SV2C: variants seen among roughly 807,000 people sequenced by gnomAD.
SV2C encodes solute carrier family 22 member B3.
Under a neutral mutation model 79.7 loss-of-function variants are expected in SV2C, and 49 were observed. That is an observed-to-expected ratio of 0.61 (90% confidence interval 0.49 to 0.78). The LOEUF is 0.78. SV2C is among the 30% of genes least tolerant of loss of function. The pLI is 0.00. For synonymous variants in SV2C, 334 were observed against 333.2 expected (o/e 1.00, Z -0.03); for missense variants, 833 against 912.9 (o/e 0.91, Z 1.13).
upstream of SV2C, chr5:76,079,633 A>G: frequency 2.9e-6 from 1 of 346,612 alleles, no homozygotes; most frequent in South Asian, 3.2e-5. Flanking sequence ...TCAATCTGAC[A>G]GAAGCCCTGC....
upstream of SV2C, among the ~76,000 whole-genome samples, chr5:76,080,248 A>G (rs1156605083): frequency 1.3e-5 from 2 of 152,198 alleles, no homozygotes; most frequent in Non-Finnish European, 2.9e-5. Context: ...AAATTACAAA[A>G]GAGACAAAAA....
chr5:76,308,370 A>G (rs553672528), intron 12 of SV2C, among the ~76,000 whole-genome samples: 1 of 152,278 alleles, frequency 6.6e-6, no homozygotes, highest in East Asian at 1.9e-4. Context: ...AGCAGGGATG[A>G]AAGTCCCAGC....
chr5:75,967,442 C>T, the SV2C span, among the ~76,000 whole-genome samples: 504 of 152,260 alleles, frequency 3.3e-3, 1 homozygote, highest in African/African-American at 0.011. Flanking sequence ...GGGTGATGGA[C>T]GGCACCTGGA....
the SV2C span, among the ~76,000 whole-genome samples, chr5:76,019,373 C>G: frequency 6.6e-6 from 1 of 152,066 alleles, no homozygotes; most frequent in Non-Finnish European, 1.5e-5. Context: ...GAAATGGAGA[C>G]ACTAAATGTA....
At chr5:76,233,624 A>G (rs1223798693) in intron 4 of SV2C, among the ~76,000 whole-genome samples, 1 of 150,228 alleles carries the variant, frequency 6.7e-6, no homozygotes, top group Non-Finnish European at 1.5e-5. Context: ...ATCAATACCT[A>G]ATTTATTGAG....
chr5:76,030,977 A>G, the SV2C span, among the ~76,000 whole-genome samples: 2 of 152,214 alleles, frequency 1.3e-5, no homozygotes, highest in African/African-American at 4.8e-5. Context: ...CTCGAAATCA[A>G]CTAAACAATA....
chr5:75,862,068 A>C, the SV2C span, among the ~76,000 whole-genome samples: 1 of 152,218 alleles, frequency 6.6e-6, no homozygotes, highest in African/African-American at 2.4e-5. Flanking sequence ...GTTACATCAT[A>C]AATAAGTTCC....
intron 3 of SV2C, among the ~76,000 whole-genome samples, chr5:76,204,655 A>G (rs1241642059): frequency 6.6e-6 from 1 of 152,228 alleles, no homozygotes; most frequent in Non-Finnish European, 1.5e-5. Context: ...AGAATCATCA[A>G]ACATTCCATA....
Position 76,342,583 on chromosome 5 carries a change from G to T in SV2C, c.2001-10547G>T, listed in dbSNP as rs572815002. ...CAGGCCCCACAGGGCACACTCTGGA[G>T]CTGGTAAAGGTGGAGCAGCACTGCC... is the stretch of plus-strand genomic sequence containing the variant. On this transcript the variant is annotated intron_variant, in intron 12 of 12. Coordinates refer to the SV2C transcript ENST00000322285. 4.6e-5 allele frequency among the ~76,000 whole-genome samples: 7 copies of T among 152,322 alleles called. No homozygotes were observed. In the South Asian group the frequency reaches 1.5e-3, roughly 32 times the overall value.
chr5:75,892,607 C>T, the SV2C span, among the ~76,000 whole-genome samples: 2 of 151,986 alleles, frequency 1.3e-5, no homozygotes, highest in Non-Finnish European at 2.9e-5. Flanking sequence ...TCTGTAGTCC[C>T]CAGTGTCTCT....
the SV2C span, among the ~76,000 whole-genome samples, chr5:75,929,981 A>T: frequency 2.5e-4 from 38 of 152,336 alleles, 1 homozygote; most frequent in Non-Finnish European, 4.1e-4. Context: ...ATAAATGTTT[A>T]TGGAAATGTC....
At chr5:76,042,999 C>T in the SV2C span, among the ~76,000 whole-genome samples, 7 of 152,316 alleles carry the variant, frequency 4.6e-5, no homozygotes, top group Non-Finnish European at 1.0e-4. Flanking sequence ...ATGTGTCTTC[C>T]AAGATTTCTG....
At chr5:76,219,260 C>T (rs1224008947) in intron 4 of SV2C, among the ~76,000 whole-genome samples, 1 of 152,096 alleles carries the variant, frequency 6.6e-6, no homozygotes, top group Non-Finnish European at 1.5e-5. Flanking sequence ...TTGACTTATA[C>T]CAGTATTATT....
chr5:75,868,214 T>C, the SV2C span, among the ~76,000 whole-genome samples: 1 of 152,256 alleles, frequency 6.6e-6, no homozygotes, highest in East Asian at 1.9e-4. Flanking sequence ...AGTATTTTGG[T>C]ATATTTGAAA....
the SV2C span, among the ~76,000 whole-genome samples, chr5:76,004,376 T>C: frequency 1.3e-5 from 2 of 152,104 alleles, no homozygotes; most frequent in Non-Finnish European, 2.9e-5. Context: ...TCTCTAAGAG[T>C]TTTTTTCTTT....
At chr5:76,268,986 C>T (rs1580005381) in intron 4 of SV2C, among the ~76,000 whole-genome samples, 1 of 152,176 alleles carries the variant, frequency 6.6e-6, no homozygotes, top group Non-Finnish European at 1.5e-5. Context: ...TGTTAGAAAA[C>T]GAAGTTTCGA....
At chr5:76,254,255 T>TAGAGAGAG (rs1351298346) in intron 4 of SV2C, among the ~76,000 whole-genome samples, 1 of 147,710 alleles carries the variant, frequency 6.8e-6, no homozygotes, top group African/African-American at 2.6e-5. Context: ...TATATATATA[T>TAGAGAGAG]ATAGAGAGAG....
intron 4 of SV2C, among the ~76,000 whole-genome samples, chr5:76,227,842 T>C (rs1561273234): frequency 6.6e-6 from 1 of 152,198 alleles, no homozygotes; most frequent in Non-Finnish European, 1.5e-5. Flanking sequence ...GTTACCACGC[T>C]GGTGGTGGCC....
intron 12 of SV2C, among the ~76,000 whole-genome samples, chr5:76,343,567 T>C (rs1353767488): frequency 6.6e-6 from 1 of 152,168 alleles, no homozygotes; most frequent in Non-Finnish European, 1.5e-5. Flanking sequence ...GATAATACCA[T>C]GTGCTGACAA....
Sources: allele counts gnomAD v4.1 joint callset (sites outside exome capture counted in the v4.1 genomes callset), GRCh38; gene constraint gnomAD v4.1.1; transcripts MANE v1.5; gene names NCBI Gene and HGNC (gene_info 2026-07-23, HGNC 2026-07-21).